Variants in CAMK1D observed in about 807,000 individuals in gnomAD.
CAMK1D encodes calcium/calmodulin dependent protein kinase ID, also known as calcium/calmodulin-dependent protein kinase type 1D.
CAMK1D carries 9 observed loss-of-function variants against 47.7 expected under a neutral mutation model. That is an observed-to-expected ratio of 0.19 (90% CI 0.11 to 0.33). The LOEUF is 0.33. CAMK1D is among the 10% of genes least tolerant of loss of function. The pLI is 1.00. For synonymous variants in CAMK1D, 184 were observed against 184.9 expected, an observed-to-expected ratio of 0.99 and a Z score of 0.04; for missense variants, 291 against 488.7, an observed-to-expected ratio of 0.60 and a Z score of 3.81.
intron 1 of CAMK1D, among the ~76,000 whole-genome samples, chr10:12,389,321 G>A (rs953490434): frequency 6.6e-6 from 1 of 152,186 alleles, no homozygotes; most frequent in East Asian, 1.9e-4. Flanking sequence ...TCTGCCCATT[G>A]CTCTTGGGAC....
chr10:12,550,550 G>A (rs1377256638), intron 1 of CAMK1D, among the ~76,000 whole-genome samples: 5 of 152,216 alleles, frequency 3.3e-5, no homozygotes, highest in South Asian at 2.1e-4. Flanking sequence ...GACAAAAGCC[G>A]TTGGCCATGG....
At chr10:12,762,952 GGCTA>G (rs1282112925) in intron 4 of CAMK1D, among the ~76,000 whole-genome samples, 1 of 152,148 alleles carries the variant, frequency 6.6e-6, no homozygotes, top group Non-Finnish European at 1.5e-5. Context: ...CACTGTGATG[GGCTA>G]GCTGTCTGTA....
intron 1 of CAMK1D, among the ~76,000 whole-genome samples, chr10:12,544,860 A>AGTACTAGTGTTGAGTGGATG (rs1564402620): frequency 1.1e-4 from 14 of 132,350 alleles, no homozygotes; most frequent in South Asian, 5.4e-4. Flanking sequence ...TTGAGTGGAT[A>AGTACTAGTGTTGAGTGGATG]GTACTAGTGT....
At chr10:12,624,362 C>T (rs529863104) in intron 2 of CAMK1D, among the ~76,000 whole-genome samples, 35 of 152,242 alleles carry the variant, frequency 2.3e-4, no homozygotes, top group Middle Eastern at 3.4e-3. Flanking sequence ...ATTCATCTCG[C>T]GCAACTAAAA....
chr10:12,779,151 C>T (rs1323957344), intron 5 of CAMK1D, among the ~76,000 whole-genome samples: 1 of 151,828 alleles, frequency 6.6e-6, no homozygotes, highest in Non-Finnish European at 1.5e-5. Flanking sequence ...GAAAGTGGCT[C>T]CTCAGGATAC....
intron 3 of CAMK1D, among the ~76,000 whole-genome samples, chr10:12,730,282 CAG>C (rs1013290459): frequency 3.3e-5 from 5 of 152,096 alleles, no homozygotes; most frequent in Non-Finnish European, 7.4e-5. Context: ...GTAAGGGAAA[CAG>C]AGGGGTCAAA....
intron 3 of CAMK1D, among the ~76,000 whole-genome samples, chr10:12,695,728 C>G (rs1833266022): frequency 1.3e-5 from 2 of 152,068 alleles, no homozygotes; most frequent in South Asian, 2.1e-4. Flanking sequence ...TCCCACCCAG[C>G]TTTTAAATTT....
At chr10:12,568,177 C>CCTCCCTCTCCCCCTCT (rs1381737130) in intron 2 of CAMK1D, among the ~76,000 whole-genome samples, 11 of 109,312 alleles carry the variant, frequency 1.0e-4, no homozygotes, top group Admixed American at 3.7e-4. Flanking sequence ...TCCCTCCCTC[C>CCTCCCTCTCCCCCTCT]CTCCCTCTCC....
intron 2 of CAMK1D, among the ~76,000 whole-genome samples, chr10:12,576,870 A>C (rs1423227460): frequency 6.6e-6 from 1 of 152,058 alleles, no homozygotes; most frequent in Non-Finnish European, 1.5e-5. Context: ...TGTGCATGTC[A>C]GTCAGTGAGC....
intron 3 of CAMK1D, among the ~76,000 whole-genome samples, chr10:12,702,627 C>T (rs1421395216): frequency 3.3e-5 from 5 of 152,174 alleles, no homozygotes; most frequent in East Asian, 1.9e-4. Flanking sequence ...ATCCCCGATA[C>T]GAGGTAGGTT....
At chr10:12,421,078 G>A (rs1201405245) in intron 1 of CAMK1D, among the ~76,000 whole-genome samples, 2 of 152,162 alleles carry the variant, frequency 1.3e-5, no homozygotes, top group African/African-American at 4.8e-5. Flanking sequence ...TTAGGAGACG[G>A]GACAGGCTGA....
intron 8 of CAMK1D, among the ~76,000 whole-genome samples, chr10:12,823,356 T>C (rs1377459887): frequency 1.3e-5 from 2 of 151,948 alleles, no homozygotes; most frequent in African/African-American, 4.8e-5. Context: ...CAGAATTGAA[T>C]AGTTTGGTGC....
chr10:12,537,289 C>G (rs1414535195), intron 1 of CAMK1D, among the ~76,000 whole-genome samples: 1 of 152,210 alleles, frequency 6.6e-6, no homozygotes, highest in Admixed American at 6.5e-5. Context: ...CAAGGCTGGT[C>G]TCGAACTCCT....
chr10:12,489,481 C>T (rs1399509645), intron 1 of CAMK1D, among the ~76,000 whole-genome samples: 2 of 152,166 alleles, frequency 1.3e-5, no homozygotes, highest in African/African-American at 2.4e-5. Flanking sequence ...GTCATTTGTG[C>T]TTCCATAAGG....
intron 9 of CAMK1D, 27 bp from the exon 10 acceptor site, chr10:12,825,546 C>T (rs1427522722): frequency 3.7e-6 from 6 of 1,600,624 alleles, no homozygotes; most frequent in Non-Finnish European, 5.1e-6. Flanking sequence ...AAATATTTGT[C>T]TGCTTTTTTC....
chr10:12,570,791 T>TA (rs1245939249), intron 2 of CAMK1D, among the ~76,000 whole-genome samples: 2 of 138,502 alleles, frequency 1.4e-5, no homozygotes, highest in African/African-American at 5.6e-5. Flanking sequence ...AAAAAGAAAA[T>TA]AAAAAATAAA....
At chr10:12,759,516 A>T (rs1273390410) in intron 3 of CAMK1D, among the ~76,000 whole-genome samples, 1 of 152,212 alleles carries the variant, frequency 6.6e-6, no homozygotes, top group African/African-American at 2.4e-5. Flanking sequence ...AGTTGGTGTC[A>T]GGAGGAGTAT....
chr10:12,733,085 G>A lies in CAMK1D; in HGVS notation c.300-27863G>A, dbSNP rs184567977. 7.4e-3 allele frequency among the ~76,000 whole-genome samples: 1,122 copies of A among 152,320 alleles called. 20 individuals are homozygous for A. Among genetic ancestry groups the A allele is most frequent in the African/African-American group, 0.025 (1,053 of 41,560 alleles). On this transcript the variant is annotated intron_variant, in intron 3 of 10. Coordinates refer to ENST00000619168, the MANE Select transcript of CAMK1D (RefSeq NM_153498.4). ...CACTCCCTGGTCCAAATCTTTGTGC[G>A]AGACCCTGTGCCTCCAGTCCAGAGC...
intron 1 of CAMK1D, among the ~76,000 whole-genome samples, chr10:12,367,853 T>A (rs1215937594): frequency 6.6e-6 from 1 of 152,122 alleles, no homozygotes; most frequent in African/African-American, 2.4e-5. Context: ...GGCCATGGAC[T>A]GGTACAGGTC....
Sources: allele counts gnomAD v4.1 joint callset (sites outside exome capture counted in the v4.1 genomes callset), GRCh38; gene constraint gnomAD v4.1.1; transcripts MANE v1.5; gene names NCBI Gene and HGNC (gene_info 2026-07-23, HGNC 2026-07-21).